Variants in MED12L observed in about 807,000 individuals in gnomAD.
The protein encoded by MED12L is mediator complex subunit 12L.
A neutral mutation model predicts 281.3 loss-of-function variants in MED12L; 60 were observed. The observed-to-expected ratio is 0.21, with a 90% CI of 0.17 to 0.26. The LOEUF is 0.26. MED12L is among the 10% of genes least tolerant of loss of function. MED12L has a pLI of 1.00. For missense variants in MED12L, 2,146 were observed against 2,680.9 expected (o/e 0.80, Z 4.41); for synonymous variants, 974 against 987.2 (o/e 0.99, Z 0.25).
At chr3:151,141,213 G>T (rs555625529) in intron 5 of MED12L, among the ~76,000 whole-genome samples, 3 of 84,956 alleles carry the variant, frequency 3.5e-5, no homozygotes, top group African/African-American at 1.8e-4. Flanking sequence ...TAGTAGAGAC[G>T]GGGTTTCACT....
chr3:151,237,902 T>A (rs924371415), intron 16 of MED12L, among the ~76,000 whole-genome samples: 1 of 152,230 alleles, frequency 6.6e-6, no homozygotes, highest in Non-Finnish European at 1.5e-5. Context: ...TTGGGTTGTT[T>A]ATGCTGTTAC....
chr3:151,142,488 T>A (rs770585339), intron 5 of MED12L, among the ~76,000 whole-genome samples: 4 of 152,222 alleles, frequency 2.6e-5, no homozygotes, highest in Non-Finnish European at 5.9e-5. Context: ...ACACAAAATG[T>A]TCAGAAAGGG....
chr3:151,115,606 C>G (rs926906597), intron 2 of MED12L, among the ~76,000 whole-genome samples: 6 of 151,540 alleles, frequency 4.0e-5, no homozygotes, highest in Non-Finnish European at 7.4e-5. Flanking sequence ...CTTGGCCTCC[C>G]AAAGTGCTGG....
At chr3:151,370,250 G>A (rs1005381781) in intron 26 of MED12L, among the ~76,000 whole-genome samples, 25 of 152,150 alleles carry the variant, frequency 1.6e-4, no homozygotes, top group African/African-American at 5.8e-4. Flanking sequence ...TGATTAGGAA[G>A]TCTTCAAGTC....
At chr3:151,361,762 G>A (rs539973768) in intron 21 of MED12L, among the ~76,000 whole-genome samples, 2 of 152,124 alleles carry the variant, frequency 1.3e-5, no homozygotes, top group African/African-American at 4.8e-5. Flanking sequence ...CATTCTTTCA[G>A]AGCTATTTGC....
At chr3:151,256,139 T>C (rs1737771981) in intron 16 of MED12L, among the ~76,000 whole-genome samples, 1 of 152,182 alleles carries the variant, frequency 6.6e-6, no homozygotes, top group South Asian at 2.1e-4. Flanking sequence ...CAAATTTGAG[T>C]AGGTCTTTGA....
chr3:151,290,708 A>T lies in MED12L; in HGVS notation c.2251-59351A>T, dbSNP rs373729689. Among the ~76,000 whole-genome samples the T allele has an allele frequency of 3.3e-4, 50 of 152,032 alleles. 1 individual carries two copies. The highest frequency in any genetic ancestry group is 1.2e-3 in the African/African-American group (48 of 41,478). ...TATTCTCATCAAGCATTTCCATATT[A>T]CACTGAACTAGGCAGCTGCAGGATA... On this transcript the variant is annotated intron_variant, in intron 16 of 44. Coordinates refer to ENST00000687756, the MANE Select transcript of MED12L (RefSeq NM_001393769.1).
At chr3:151,247,406 A>G (rs1735798739) in intron 16 of MED12L, among the ~76,000 whole-genome samples, 1 of 152,100 alleles carries the variant, frequency 6.6e-6, no homozygotes, top group Admixed American at 6.6e-5. Flanking sequence ...AATGTGGCAC[A>G]TGTACACCAT....
intron 16 of MED12L, among the ~76,000 whole-genome samples, chr3:151,195,840 G>A (rs1266527828): frequency 2.0e-5 from 3 of 152,166 alleles, no homozygotes; most frequent in African/African-American, 4.8e-5. Flanking sequence ...GGAACTCTCT[G>A]TACTATTTTG....
At chr3:151,409,131 GTTCT>G in intron 39 of MED12L, 108 bp from the exon 40 acceptor site, 1 of 747,228 alleles carries the variant, frequency 1.3e-6, no homozygotes, top group Non-Finnish European at 2.2e-6. Context: ...AAATCTTTGA[GTTCT>G]TTATCCATGT....
At chr3:151,314,874 GA>G (rs1359538371) in intron 16 of MED12L, among the ~76,000 whole-genome samples, 1 of 152,180 alleles carries the variant, frequency 6.6e-6, no homozygotes, top group Non-Finnish European at 1.5e-5. Flanking sequence ...GGGGAATTCA[GA>G]GACTTGCCTA....
chr3:151,402,453 G>C (rs1041624225), intron 39 of MED12L, among the ~76,000 whole-genome samples: 5 of 152,138 alleles, frequency 3.3e-5, no homozygotes, highest in Non-Finnish European at 7.4e-5. Flanking sequence ...TTCTTACTTG[G>C]ATTTACTGGG....
chr3:151,255,577 G>A (rs41399847), intron 16 of MED12L, among the ~76,000 whole-genome samples: 14,183 of 152,116 alleles, frequency 0.093, 873 homozygotes, highest in South Asian at 0.19. Flanking sequence ...GAACACACGC[G>A]ATTTTTCCTG....
At chr3:151,173,342 G>A (rs1402884007) in intron 11 of MED12L, among the ~76,000 whole-genome samples, 2 of 152,022 alleles carry the variant, frequency 1.3e-5, no homozygotes, top group African/African-American at 2.4e-5. Flanking sequence ...CAATCCAAAT[G>A]GTACTCTTAA....
At chr3:151,130,353 T>C (rs1050517408) in intron 5 of MED12L, among the ~76,000 whole-genome samples, 10 of 152,194 alleles carry the variant, frequency 6.6e-5, no homozygotes, top group Non-Finnish European at 1.2e-4. Flanking sequence ...AACAATCTTG[T>C]CATCTTTACT....
chr3:151,197,480 G>T (rs10513386), intron 16 of MED12L, among the ~76,000 whole-genome samples: 12,411 of 152,146 alleles, frequency 0.082, 1,212 homozygotes, highest in African/African-American at 0.23. Flanking sequence ...GGGGCCCTAC[G>T]TGGAGTCAGG....
chr3:151,326,937 A>G (rs1182065225), intron 16 of MED12L: 1 of 152,214 alleles, frequency 6.6e-6, no homozygotes, highest in East Asian at 1.9e-4. Flanking sequence ...ATCCTTTGAA[A>G]AATCTCTCAA....
chr3:151,260,012 G>A (rs996009796), intron 16 of MED12L, among the ~76,000 whole-genome samples: 10 of 152,146 alleles, frequency 6.6e-5, no homozygotes, highest in Non-Finnish European at 1.0e-4. Flanking sequence ...ATTGTGAAGT[G>A]GGGAGCTCGG....
At chr3:151,334,862 T>C (rs1750781273) in intron 16 of MED12L, among the ~76,000 whole-genome samples, 1 of 152,160 alleles carries the variant, frequency 6.6e-6, no homozygotes, top group African/African-American at 2.4e-5. Flanking sequence ...AGCCATGCAG[T>C]CTACATCACA....
Sources: gnomAD v4.1 joint callset for allele counts (sites outside exome capture counted in the v4.1 genomes callset) on GRCh38, gnomAD v4.1.1 for gene constraint, MANE v1.5 for transcripts, NCBI Gene and HGNC (gene_info 2026-07-23, HGNC 2026-07-21) for gene names.